MAPK4: variants seen among roughly 807,000 people sequenced by gnomAD.
The protein encoded by MAPK4 is mitogen-activated protein kinase 4, also known as Erk3-related.
In MAPK4, 22 loss-of-function variants were observed where a neutral mutation model predicts 47.7. That is an observed-to-expected ratio of 0.46 (90% CI 0.33 to 0.66). The LOEUF is 0.66. Among genes scored for constraint, MAPK4 ranks in the 30% least tolerant of loss-of-function variants. The pLI is 0.02. For missense variants in MAPK4, 736 were observed against 831.7 expected (o/e 0.88, Z 1.42); for synonymous variants, 390 against 365.7 (o/e 1.07, Z -0.76).
chr18:50,654,375 G>T (rs1313183595), intron 1 of MAPK4, among the ~76,000 whole-genome samples: 2 of 152,240 alleles, frequency 1.3e-5, no homozygotes, highest in Non-Finnish European at 2.9e-5. Context: ...GCCAGTGTGG[G>T]AGAATTAAAG....
chr18:50,572,359 C>T (rs1242465019), intron 1 of MAPK4, among the ~76,000 whole-genome samples: 1 of 152,034 alleles, frequency 6.6e-6, no homozygotes, highest in African/African-American at 2.4e-5. Flanking sequence ...TTTTCTTGAG[C>T]TGAATGGAGA....
chr18:50,611,535 G>T (rs2042633181), intron 1 of MAPK4, among the ~76,000 whole-genome samples: 1 of 152,210 alleles, frequency 6.6e-6, no homozygotes, highest in Non-Finnish European at 1.5e-5. Context: ...TTTGCTAGAA[G>T]GTGTCGCTGA....
At chr18:50,636,579 T>C (rs1227916733) in intron 1 of MAPK4, among the ~76,000 whole-genome samples, 1 of 152,238 alleles carries the variant, frequency 6.6e-6, no homozygotes, top group African/African-American at 2.4e-5. Flanking sequence ...ACAGCCCCAT[T>C]ACATAAAATG....
At chr18:50,642,087 A>G (rs988828861) in intron 1 of MAPK4, among the ~76,000 whole-genome samples, 9 of 152,264 alleles carry the variant, frequency 5.9e-5, no homozygotes, top group African/African-American at 2.2e-4. Flanking sequence ...GGTTTTAGTA[A>G]AAGTCAGGGG....
chr18:50,647,776 T>C (rs576129785), intron 1 of MAPK4, among the ~76,000 whole-genome samples: 1 of 152,260 alleles, frequency 6.6e-6, no homozygotes, highest in African/African-American at 2.4e-5. Context: ...AGCCTGGTCT[T>C]CAGTGCTCAA....
intron 2 of MAPK4, chr18:50,669,287 G>A (rs371858889): frequency 6.6e-6 from 1 of 152,218 alleles, no homozygotes; most frequent in South Asian, 2.1e-4. Context: ...ATCCCATTAG[G>A]AAGCAGACTA....
chr18:50,673,864 C>G (rs1306777464), intron 2 of MAPK4, among the ~76,000 whole-genome samples: 1 of 152,104 alleles, frequency 6.6e-6, no homozygotes, highest in Non-Finnish European at 1.5e-5. Flanking sequence ...TCAAAAAAAA[C>G]AAAAATGCTG....
At chr18:50,660,023 T>C (rs1264106311) in intron 1 of MAPK4, among the ~76,000 whole-genome samples, 6 of 152,142 alleles carry the variant, frequency 3.9e-5, no homozygotes, top group Non-Finnish European at 2.9e-5. Flanking sequence ...GGCCCACACC[T>C]CTCAGCATAT....
chr18:50,720,638 G>C (rs1040922299), intron 3 of MAPK4, among the ~76,000 whole-genome samples: 4 of 152,144 alleles, frequency 2.6e-5, no homozygotes, highest in Non-Finnish European at 5.9e-5. Context: ...GTGTCACACA[G>C]GAGAGGGGTC....
chr18:50,597,696 A>G (rs2042495303), intron 1 of MAPK4, among the ~76,000 whole-genome samples: 3 of 152,176 alleles, frequency 2.0e-5, no homozygotes, highest in African/African-American at 7.2e-5. Flanking sequence ...AGTGTTAGAT[A>G]TGGGGGAAAT....
At chr18:50,598,435 A>G (rs2042505005) in intron 1 of MAPK4, among the ~76,000 whole-genome samples, 1 of 152,224 alleles carries the variant, frequency 6.6e-6, no homozygotes, top group African/African-American at 2.4e-5. Flanking sequence ...TTTTCTCTCT[A>G]CAATAAGCAA....
chr18:50,574,869 G>A (rs1447751920), intron 1 of MAPK4, among the ~76,000 whole-genome samples: 1 of 152,106 alleles, frequency 6.6e-6, no homozygotes, highest in African/African-American at 2.4e-5. Context: ...TCACTTGTTG[G>A]GTAAATCCAG....
chr18:50,618,070 G>C (rs910243285), intron 1 of MAPK4, among the ~76,000 whole-genome samples: 32 of 152,262 alleles, frequency 2.1e-4, no homozygotes, highest in Non-Finnish European at 3.5e-4. Flanking sequence ...TCTATCATAT[G>C]TGTATGTATA....
intron 2 of MAPK4, among the ~76,000 whole-genome samples, chr18:50,683,982 C>T (rs1908729349): frequency 6.6e-6 from 1 of 152,160 alleles, no homozygotes; most frequent in South Asian, 2.1e-4. Flanking sequence ...TGAGAACAGA[C>T]CCCTGTGGTC....
chr18:50,645,548 TA>T (rs1414606251), intron 1 of MAPK4, among the ~76,000 whole-genome samples: 39 of 152,356 alleles, frequency 2.6e-4, no homozygotes, highest in Non-Finnish European at 3.8e-4. Context: ...TATCTTATTT[TA>T]ATTTTTTTTT....
At chr18:50,588,336 G>C (rs75250911) in intron 1 of MAPK4, among the ~76,000 whole-genome samples, 3,118 of 152,156 alleles carry the variant, frequency 0.02, 102 homozygotes, top group African/African-American at 0.07. Context: ...ACCTCTCTCT[G>C]TGTCTAGCTT....
chr18:50,692,505 T>C (rs1598917828), intron 2 of MAPK4, among the ~76,000 whole-genome samples: 2 of 152,188 alleles, frequency 1.3e-5, no homozygotes, highest in Admixed American at 1.3e-4. Flanking sequence ...GCAAGCTATG[T>C]ATCCCTCTCT....
At chr18:50,602,002 C>A (rs1166397104) in intron 1 of MAPK4, among the ~76,000 whole-genome samples, 2 of 152,282 alleles carry the variant, frequency 1.3e-5, no homozygotes, top group Non-Finnish European at 2.9e-5. Context: ...AAGTAAATTT[C>A]TTTTTTCTCT....
intron 1 of MAPK4, among the ~76,000 whole-genome samples, chr18:50,644,670 A>G (rs544594769): frequency 6.6e-6 from 1 of 152,280 alleles, no homozygotes; most frequent in South Asian, 2.1e-4. Flanking sequence ...TTTTCATTCC[A>G]TAGAGATAAA....
Sources: gnomAD v4.1 joint callset for allele counts (sites outside exome capture counted in the v4.1 genomes callset) on GRCh38, gnomAD v4.1.1 for gene constraint, MANE v1.5 for transcripts, NCBI Gene and HGNC (gene_info 2026-07-23, HGNC 2026-07-21) for gene names.